SH3RF2: variants seen among roughly 807,000 people sequenced by gnomAD.
The protein encoded by SH3RF2 is E3 ubiquitin-protein ligase SH3RF2.
SH3RF2 carries 43 observed loss-of-function variants against 59.0 expected under a neutral mutation model. The observed-to-expected ratio is 0.73, with a 90% CI of 0.57 to 0.94. The LOEUF is 0.94. Ranked by LOEUF, SH3RF2 falls within the 40% of genes least tolerant of loss-of-function variation. SH3RF2 has a pLI of 0.00. For missense variants in SH3RF2, 930 were observed against 940.1 expected, an observed-to-expected ratio of 0.99 and a Z score of 0.14; for synonymous variants, 391 against 391.5, an observed-to-expected ratio of 1.00 and a Z score of 0.01.
chr5:146,060,546 C>G (rs943129172), intron 9 of SH3RF2, among the ~76,000 whole-genome samples: 2 of 152,050 alleles, frequency 1.3e-5, no homozygotes, highest in African/African-American at 4.8e-5. Flanking sequence ...TCTAGCTTTG[C>G]TGCTTGCTAG....
chr5:145,958,774 C>T (rs565957935), intron 2 of SH3RF2, among the ~76,000 whole-genome samples: 3 of 152,128 alleles, frequency 2.0e-5, no homozygotes, highest in Admixed American at 1.3e-4. Flanking sequence ...GCTTCTTGCC[C>T]GGGCCATTGT....
chr5:145,968,879 G>A (rs1178257597), intron 2 of SH3RF2, among the ~76,000 whole-genome samples: 1 of 152,198 alleles, frequency 6.6e-6, no homozygotes, highest in Non-Finnish European at 1.5e-5. Flanking sequence ...CTTCACTAGG[G>A]AGTGGAATTA....
In SH3RF2 at chr5:145,972,265, G is replaced by A. The variant is rs957289596; in HGVS notation, c.379-27793G>A. Reference sequence around the variant, plus strand: ...AAAAAAATTAAAGAAAGAAAAGGAAGGTCATGCCCTTAACTACAATAGGTG... The same window carrying A: ...AAAAAAATTAAAGAAAGAAAAGGAAAGTCATGCCCTTAACTACAATAGGTG... On this transcript the variant is annotated intron_variant, in intron 2 of 9. Transcript: ENST00000359120. Among the ~76,000 whole-genome samples the A allele has an allele frequency of 8.5e-5, 13 of 152,092 alleles. No individual in the cohort carries two copies. In the South Asian group the frequency reaches 2.1e-3, roughly 24 times the overall value.
intron 2 of SH3RF2, among the ~76,000 whole-genome samples, chr5:145,964,266 CCTTCTT>C (rs1561713054): frequency 6.7e-5 from 9 of 134,712 alleles, no homozygotes; most frequent in Non-Finnish European, 1.3e-4. Flanking sequence ...TTCTTCTTTC[CCTTCTT>C]TTCCTTCCTT....
chr5:146,047,959 T>G, intron 6 of SH3RF2, 96 bp downstream of exon 6: 1 of 1,215,130 alleles, frequency 8.2e-7, no homozygotes, highest in Non-Finnish European at 1.2e-6. Context: ...TCCCAAAACA[T>G]CCCATCCAGA....
chr5:145,998,733 A>C (rs1232587589), intron 2 of SH3RF2, among the ~76,000 whole-genome samples: 1 of 152,172 alleles, frequency 6.6e-6, no homozygotes, highest in Non-Finnish European at 1.5e-5. Flanking sequence ...CAACATAGTG[A>C]AACCCCGTCT....
intron 4 of SH3RF2, among the ~76,000 whole-genome samples, chr5:146,010,693 G>T (rs529843062): frequency 6.6e-6 from 1 of 152,088 alleles, no homozygotes; most frequent in Non-Finnish European, 1.5e-5. Flanking sequence ...AGAAGTGTAC[G>T]TTCATATCTT....
chr5:145,980,937 A>G (rs1759483750), intron 2 of SH3RF2, among the ~76,000 whole-genome samples: 1 of 152,184 alleles, frequency 6.6e-6, no homozygotes, highest in African/African-American at 2.4e-5. Flanking sequence ...ACTGAGGCAA[A>G]GTCCACACAT....
downstream of SH3RF2, among the ~76,000 whole-genome samples, chr5:146,064,660 GAA>G (rs1363160761): frequency 1.4e-3 from 10 of 7,058 alleles, no homozygotes; most frequent in Admixed American, 3.1e-3. Context: ...GAGAGAGAGA[GAA>G]AGAGAAAGAA....
chr5:145,997,416 A>G, intron 2 of SH3RF2: 1 of 1,330,188 alleles, frequency 7.5e-7, no homozygotes, highest in Non-Finnish European at 1.1e-6. Context: ...CTACACTGCA[A>G]CTGGTCATTA....
At chr5:145,963,836 T>G (rs1199628014) in intron 2 of SH3RF2, among the ~76,000 whole-genome samples, 8 of 150,402 alleles carry the variant, frequency 5.3e-5, no homozygotes, top group African/African-American at 1.5e-4. Context: ...TTTGTTTTTT[T>G]TTTTTTTCTT....
intron 2 of SH3RF2, among the ~76,000 whole-genome samples, chr5:145,974,887 G>C (rs977779484): frequency 6.6e-6 from 1 of 152,218 alleles, no homozygotes; most frequent in Non-Finnish European, 1.5e-5. Context: ...AAGGAAATCT[G>C]TAGGTCTACA....
downstream of SH3RF2, among the ~76,000 whole-genome samples, chr5:146,065,671 T>G (rs987385564): frequency 1.2e-4 from 18 of 152,218 alleles, no homozygotes; most frequent in Non-Finnish European, 1.5e-5. Context: ...TCTTCACCCA[T>G]GTGCAGCATC....
At chr5:146,003,998 T>C in intron 3 of SH3RF2, 60 bp from the exon 4 acceptor site, 1 of 1,445,190 alleles carries the variant, frequency 6.9e-7, no homozygotes, top group South Asian at 1.2e-5. Context: ...TGATCTCTGC[T>C]GAGAGCTTTT....
At chr5:146,066,985 T>TC (rs1316810486), downstream of SH3RF2, among the ~76,000 whole-genome samples, 1 of 151,940 alleles carries the variant, frequency 6.6e-6, no homozygotes, top group African/African-American at 2.4e-5. Context: ...GGAAGGCGGG[T>TC]CATGCCCAGC....
intron 2 of SH3RF2, among the ~76,000 whole-genome samples, chr5:145,982,767 T>C (rs1310919424): frequency 1.3e-5 from 2 of 152,086 alleles, no homozygotes; most frequent in African/African-American, 4.8e-5. Flanking sequence ...CATGAGAGCA[T>C]GTGAGAGCAT....
rs1759299707 is a variant in SH3RF2, at chr5:145,976,459, TG to T, written c.379-23593del. 6.1e-5 allele frequency among the ~76,000 whole-genome samples: 9 copies of T among 146,380 alleles called. No homozygotes were observed. The South Asian group carries it at 1.7e-3, about 28-fold the overall frequency. ...ATTAAGAAGGAAAAAAAAAAAAAGG[TG>T]GGGGGCGGGTTTTGGAAACGCACTT... On this transcript the variant is annotated intron_variant, in intron 2 of 9. Coordinates refer to ENST00000359120, the MANE Select transcript of SH3RF2 (RefSeq NM_152550.4).
In SH3RF2 at chr5:145,937,789, AT is replaced by A. The variant is rs545039473; in HGVS notation, c.-106-25del. On this transcript the variant is annotated intron_variant, in intron 1 of 9. Transcript: ENST00000359120. The stretch of plus-strand genomic sequence containing the variant: ...GGGATATACCTCTCGGAGCAGTCAC[AT>A]TTTTTTTTCTCTCCTCTCCCTCCTT... 6.5e-4 allele frequency: 624 copies of A among 961,856 alleles called. 1 individual carries two copies. The highest frequency in any genetic ancestry group is 8.2e-4 in the African/African-American group (50 of 60,636). The allele number at this position is 961,856 out of a possible 1,614,324, so 59.6% of individuals were successfully genotyped here.
At chr5:146,003,789 C>T (rs567978627) in intron 3 of SH3RF2, among the ~76,000 whole-genome samples, 1 of 152,298 alleles carries the variant, frequency 6.6e-6, no homozygotes, top group Non-Finnish European at 1.5e-5. Context: ...TTGGACCCTG[C>T]TGGTGATTAA....
Sources: gnomAD v4.1 joint callset for allele counts (sites outside exome capture counted in the v4.1 genomes callset) on GRCh38, gnomAD v4.1.1 for gene constraint, MANE v1.5 for transcripts, NCBI Gene and HGNC (gene_info 2026-07-23, HGNC 2026-07-21) for gene names.